Variants in ZCWPW1 observed in about 807,000 individuals in gnomAD.
ZCWPW1 encodes the protein zinc finger CW-type and PWWP domain containing 1.
ZCWPW1 carries 56 observed loss-of-function variants against 81.3 expected under a neutral mutation model. The ratio of observed to expected loss-of-function variants is 0.69; its 90% CI spans 0.56 to 0.86. The LOEUF is 0.86. Ranked by LOEUF, ZCWPW1 falls within the 40% of genes least tolerant of loss-of-function variation. The pLI is 0.00. For synonymous variants in ZCWPW1, 250 were observed against 273.7 expected (o/e 0.91, Z 0.86); for missense variants, 650 against 769.8 (o/e 0.84, Z 1.84).
chr7:100,408,329 C>T (rs532591120), intron 10 of ZCWPW1, among the ~76,000 whole-genome samples: 16 of 152,078 alleles, frequency 1.1e-4, no homozygotes, highest in African/African-American at 3.6e-4. Context: ...CCCTTTTTTC[C>T]AGGGAGCTAT....
In ZCWPW1 at chr7:100,419,145, C is replaced by G; in HGVS notation, c.327G>C (p.Gln109His). The change falls in exon 5 of 18, where the codon CAG becomes CAC. Residue 109 changes from glutamine to histidine, a missense_variant. By Grantham distance (24) the Gln-to-His change is conservative (BLOSUM62 0). Transcript: ENST00000684423. ...CCTGAAGGGACTTCTGCAGAACAATCTGGACAATCTCCTCAAATTCTGCAT... is the reference window on the plus strand; with the variant it reads ...CCTGAAGGGACTTCTGCAGAACAATGTGGACAATCTCCTCAAATTCTGCAT... ...LTNAEFEEIV[Q>H]IVLQKSLQEC... 6.2e-7 allele frequency: 1 copy of G among 1,613,432 alleles called. No homozygotes were observed. Among genetic ancestry groups the G allele is most frequent in the Non-Finnish European group, 8.5e-7 (1 of 1,179,708 alleles).
chr7:100,420,824 C>T (rs1461479571), intron 2 of ZCWPW1, 146 bp from the exon 3 acceptor site: 3 of 693,000 alleles, frequency 4.3e-6, no homozygotes, highest in African/African-American at 1.8e-5. Flanking sequence ...CAATTACACA[C>T]CAGGGAATAA....
At chr7:100,407,684 C>T (rs900711709) in intron 10 of ZCWPW1, among the ~76,000 whole-genome samples, 4 of 152,114 alleles carry the variant, frequency 2.6e-5, no homozygotes, top group Non-Finnish European at 5.9e-5. Flanking sequence ...TGAGTCACTG[C>T]GCTCAGCCAG....
rs1411967302 is a variant in ZCWPW1 at position 100,420,615 on chromosome 7, G to A, written c.28+7C>T. 1 of 1,614,064 alleles carries A rather than the reference G, an allele frequency of 6.2e-7. No individual in the cohort carries two copies. The highest frequency in any genetic ancestry group is 1.7e-5 in the Admixed American group (1 of 60,014). Reference sequence around the variant, plus strand: ...TATGAAGCGAACCTCCCTCACTCTTGACTCACCTTCTTTATTCTGCAACGT... The same window carrying A: ...TATGAAGCGAACCTCCCTCACTCTTAACTCACCTTCTTTATTCTGCAACGT... On this transcript the variant is annotated splice_region_variant and intron_variant, in intron 3 of 17. Coordinates refer to ENST00000684423, the MANE Select transcript of ZCWPW1 (RefSeq NM_001386010.1).
chr7:100,419,492 G>T, intron 4 of ZCWPW1, 138 bp downstream of exon 4: 2 of 1,409,034 alleles, frequency 1.4e-6, no homozygotes, highest in Non-Finnish European at 1.9e-6. Context: ...AAAAAAAAAA[G>T]GAAGCCCTCA....
chr7:100,414,467 G>A (rs549244601), intron 8 of ZCWPW1, among the ~76,000 whole-genome samples: 1 of 152,186 alleles, frequency 6.6e-6, no homozygotes, highest in South Asian at 2.1e-4. Context: ...CAAGGCTGGA[G>A]GGCAGTGGCA....
At chr7:100,402,977 T>C (rs1792234907) in intron 15 of ZCWPW1, among the ~76,000 whole-genome samples, 1 of 152,118 alleles carries the variant, frequency 6.6e-6, no homozygotes, top group African/African-American at 2.4e-5. Context: ...TCTGAATTGC[T>C]CCCTGAGGAG....
chr7:100,412,772 G>T (rs1158396548), intron 8 of ZCWPW1, among the ~76,000 whole-genome samples: 1 of 151,956 alleles, frequency 6.6e-6, no homozygotes, highest in Admixed American at 6.6e-5. Flanking sequence ...TAGTAGAGAC[G>T]GGGTTTCACC....
At position 100,416,371 on chromosome 7, in the gene ZCWPW1, G is replaced by A. The variant is rs1436482911; in HGVS notation, c.565C>T (p.Pro189Ser). 1 of 1,614,170 alleles carries A rather than the reference G, an allele frequency of 6.2e-7. No homozygotes were observed. The change falls in exon 7 of 18, where the codon CCA (proline) becomes TCA (serine). Residue 189 changes from proline (P) to serine (S), a missense_variant. Physicochemically the swap from Pro to Ser is moderately conservative, Grantham distance 74. Coordinates refer to ENST00000684423, the MANE Select transcript of ZCWPW1 (RefSeq NM_001386010.1). Reference protein sequence around the residue: ...PEIRTSKLGQPDPAPSKKKSN... With the variant: ...PEIRTSKLGQSDPAPSKKKSN... ...TTCTTCTTAGAGGGTGCAGGATCTG[G>A]CTGGCCTAACTTAGATGTCCTTATC...
intron 5 of ZCWPW1, 77 bp downstream of exon 5, chr7:100,419,034 C>T (rs752612255): frequency 3.6e-6 from 4 of 1,116,918 alleles, no homozygotes; most frequent in Admixed American, 3.8e-5. Flanking sequence ...AAGAGAGAAG[C>T]TGTCAGACTT....
At chr7:100,408,489 A>G (rs1793515240) in intron 10 of ZCWPW1, 50 bp downstream of exon 10, 1 of 1,597,928 alleles carries the variant, frequency 6.3e-7, no homozygotes, top group South Asian at 1.1e-5. Context: ...GCTTGAATCT[A>G]CCTCTCCCAA....
chr7:100,415,899 T>G (rs1795129563), intron 8 of ZCWPW1, 76 bp downstream of exon 8: 1 of 1,585,454 alleles, frequency 6.3e-7, no homozygotes, highest in African/African-American at 1.3e-5. Flanking sequence ...GAGGTTCCTC[T>G]AACATCCTAA....
chr7:100,423,609 G>A (rs1301900928), intron 2 of ZCWPW1, among the ~76,000 whole-genome samples: 7 of 151,990 alleles, frequency 4.6e-5, no homozygotes, highest in East Asian at 1.9e-4. Context: ...AAGCAACGAC[G>A]TTTCCTTTAT....
chr7:100,407,483 G>C (rs992635842), intron 10 of ZCWPW1, among the ~76,000 whole-genome samples, 180 bp from the exon 11 acceptor site: 6 of 152,088 alleles, frequency 3.9e-5, no homozygotes, highest in African/African-American at 1.4e-4. Context: ...GCTTTGATCT[G>C]TCAGGCGCAA....
intron 4 of ZCWPW1, 127 bp from the exon 5 acceptor site, chr7:100,419,316 C>G: frequency 1.2e-6 from 1 of 804,590 alleles, no homozygotes; most frequent in Non-Finnish European, 1.9e-6. Context: ...AGTCAGCATA[C>G]CTAAGGAGGC....
chr7:100,407,233 G>A lies in ZCWPW1; in HGVS notation c.1063C>T (p.Leu355=), dbSNP rs937551114. 1.2e-6 allele frequency: 2 copies of A among 1,613,944 alleles called. No individual in the cohort carries two copies. The highest frequency in any genetic ancestry group is 3.3e-5 in the Admixed American group (2 of 60,008). ...YFLFTSHLDS[L]PSKYHVTFFG... ...CCCTGAACCAGGAAACTCACCGGCA[G>A]GGAATCAAGATGGGAAGTAAAAAGA... The change falls in exon 11 of 18, where the codon CTG becomes TTG. Residue 355 remains leucine, a synonymous_variant. Coordinates refer to ENST00000684423, the MANE Select transcript of ZCWPW1 (RefSeq NM_001386010.1).
At chr7:100,421,632 G>T (rs1796365717) in intron 2 of ZCWPW1, among the ~76,000 whole-genome samples, 1 of 152,002 alleles carries the variant, frequency 6.6e-6, no homozygotes. Flanking sequence ...TTAAATTAGT[G>T]CCTTGATATT....
At chr7:100,427,856 C>G (rs1292520645) in intron 1 of ZCWPW1, among the ~76,000 whole-genome samples, 1 of 151,966 alleles carries the variant, frequency 6.6e-6, no homozygotes, top group African/African-American at 2.4e-5. Flanking sequence ...GTCGGTGTCC[C>G]TGAGCCACAC....
At chr7:100,416,942 T>A in intron 6 of ZCWPW1, 124 bp downstream of exon 6, 1 of 790,910 alleles carries the variant, frequency 1.3e-6, no homozygotes, top group Non-Finnish European at 2.0e-6. Context: ...CGAGACTCCG[T>A]CTCAAAAAAA....
Sources: gnomAD v4.1 joint callset for allele counts (sites outside exome capture counted in the v4.1 genomes callset) on GRCh38, gnomAD v4.1.1 for gene constraint, MANE v1.5 for transcripts, NCBI Gene and HGNC (gene_info 2026-07-23, HGNC 2026-07-21) for gene names.